ANK3: variants seen among roughly 807,000 people sequenced by gnomAD.
ANK3 encodes ankyrin 3.
In ANK3, 57 loss-of-function variants were observed where a neutral mutation model predicts 370.9. That is an observed-to-expected ratio of 0.15 (90% CI 0.12 to 0.19). ANK3 has a LOEUF of 0.19. Among genes scored for constraint, ANK3 ranks in the 10% least tolerant of loss-of-function variants. The pLI, the probability that ANK3 is intolerant of heterozygous loss-of-function variation, is 1.00. For missense variants in ANK3, 4,439 were observed against 5,302.1 expected, an observed-to-expected ratio of 0.84 and a Z score of 5.06; for synonymous variants, 1,929 against 1,946.3, an observed-to-expected ratio of 0.99 and a Z score of 0.23.
chr10:60,184,973 C>T (rs2096286668), intron 17 of ANK3, among the ~76,000 whole-genome samples: 1 of 152,140 alleles, frequency 6.6e-6, no homozygotes, highest in South Asian at 2.1e-4. Context: ...GTCATAAAGA[C>T]AAATTGAGTT....
chr10:60,654,657 C>T (rs1461771568), intron 1 of ANK3, among the ~76,000 whole-genome samples: 1 of 152,042 alleles, frequency 6.6e-6, no homozygotes, highest in Non-Finnish European at 1.5e-5. Context: ...GACATGTTAT[C>T]CTTTAAAAAA....
At chr10:60,111,255 A>G (rs191027825) in intron 26 of ANK3, among the ~76,000 whole-genome samples, 1 of 152,320 alleles carries the variant, frequency 6.6e-6, no homozygotes, top group African/African-American at 2.4e-5. Flanking sequence ...ACATGATATT[A>G]ACAACAAACT....
chr10:60,143,578 G>A (rs920753017), intron 23 of ANK3, among the ~76,000 whole-genome samples: 2 of 152,160 alleles, frequency 1.3e-5, no homozygotes, highest in South Asian at 4.1e-4. Context: ...GTTATTTGGT[G>A]CAGTGAAATA....
At chr10:60,119,297 C>T (rs2093319771) in intron 25 of ANK3, among the ~76,000 whole-genome samples, 2 of 152,208 alleles carry the variant, frequency 1.3e-5, no homozygotes, top group African/African-American at 4.8e-5. Context: ...TATTTCATTT[C>T]CATGCTACCT....
intron 2 of ANK3, among the ~76,000 whole-genome samples, chr10:60,594,358 A>G (rs2077958417): frequency 6.6e-6 from 1 of 152,202 alleles, no homozygotes; most frequent in South Asian, 2.1e-4. Context: ...ACAGTTATTA[A>G]TACAGTGTAT....
intron 7 of ANK3, among the ~76,000 whole-genome samples, chr10:60,237,065 C>G (rs762314967): frequency 6.6e-6 from 1 of 152,234 alleles, no homozygotes; most frequent in East Asian, 1.9e-4. Context: ...GCACAGCTTT[C>G]GACTGTGTAT....
In ANK3 at chr10:60,070,884, T is replaced by C; in HGVS notation, c.9997A>G (p.Thr3333Ala). Reference protein sequence around the residue: ...IYQPVPVKKYTFKLKEVDDEQ... With the variant: ...IYQPVPVKKYAFKLKEVDDEQ... ...TCGTCCACTTCCTTTAATTTGAAGG[T>C]ATATTTTTTAACTGGGACTGGCTGA... The change falls in exon 37 of 44, where the codon ACC (threonine) becomes GCC (alanine). Residue 3333 changes from threonine to alanine, a missense_variant. Physicochemically the swap from Thr to Ala is moderately conservative, Grantham distance 58. Transcript: ENST00000280772. This position sits in a 1 kb window ranked among gnomAD's most constrained non-coding sequence, Gnocchi z 5.7. 6.2e-7 allele frequency: 1 copy of C among 1,614,072 alleles called. No homozygotes were observed. The highest frequency in any genetic ancestry group is 2.2e-5 in the East Asian group (1 of 44,882).
rs150778469 is a variant in ANK3 at position 60,628,370 on chromosome 10, A to T, written c.58-13146T>A. 1.8e-4 allele frequency among the ~76,000 whole-genome samples: 27 copies of T among 152,312 alleles called. No homozygotes were observed. The East Asian group carries it at 4.6e-3, about 26-fold the overall frequency. On this transcript the variant is annotated intron_variant, in intron 1 of 43. Coordinates refer to the ANK3 transcript ENST00000373827. Reference sequence around the variant, plus strand: ...TCTGCTTTTGATTTCTATCAAACCCAACATACCTCCTCTATGCAAGCTGCA... The same window carrying T: ...TCTGCTTTTGATTTCTATCAAACCCTACATACCTCCTCTATGCAAGCTGCA...
chr10:60,126,611 C>G (rs975741855), intron 25 of ANK3, among the ~76,000 whole-genome samples: 1 of 151,704 alleles, frequency 6.6e-6, no homozygotes, highest in African/African-American at 2.4e-5. Flanking sequence ...CTGCTTGAAT[C>G]CGGGAGGTAG....
intron 1 of ANK3, among the ~76,000 whole-genome samples, chr10:60,356,962 G>A (rs1485955239): frequency 2.6e-5 from 4 of 152,146 alleles, no homozygotes; most frequent in Non-Finnish European, 4.4e-5. Flanking sequence ...ACCCGCCTTG[G>A]CCTCCTAAAA....
intron 1 of ANK3, among the ~76,000 whole-genome samples, chr10:60,341,787 A>G (rs1389339621): frequency 3.9e-5 from 6 of 152,208 alleles, no homozygotes. Context: ...AAAGAAACCT[A>G]ATTTTAGGTT....
intron 1 of ANK3, among the ~76,000 whole-genome samples, chr10:60,313,744 G>T (rs1045949060): frequency 2.0e-5 from 3 of 152,080 alleles, no homozygotes; most frequent in African/African-American, 7.2e-5. Flanking sequence ...AGTCCCAAAT[G>T]AAACACAAGA....
At chr10:60,137,430 GA>G (rs965168911) in intron 24 of ANK3, 8 of 235,098 alleles carry the variant, frequency 3.4e-5, no homozygotes, top group South Asian at 1.6e-4. Context: ...AGGGAAAAAA[GA>G]AAAAAAATGT....
At position 60,080,548 on chromosome 10, in the gene ANK3, T is replaced by C; in HGVS notation, c.4421A>G (p.Glu1474Gly). ...ALRKRYSYLTEPGMIERSTGA... is the reference protein window; with the variant it reads ...ALRKRYSYLTGPGMIERSTGA... ...GTTAGGAAACTCACTCATTCCAGGC[T>C]CAGTCAAGTAGCTGTAGCGCTTACG... Residue 1474 changes from glutamate (E) to glycine (G), a missense_variant, in exon 36 of 44, where the codon GAG (glutamate) becomes GGG (glycine). Glu to Gly is a moderately conservative substitution (Grantham distance 98, BLOSUM62 -2). Transcript: ENST00000280772. The C allele has an allele frequency of 6.2e-7, 1 of 1,612,728 alleles. No homozygotes were observed. Among genetic ancestry groups the C allele is most frequent in the Non-Finnish European group, 8.5e-7 (1 of 1,179,302 alleles).
chr10:60,333,464 G>C (rs2051926564), intron 1 of ANK3, among the ~76,000 whole-genome samples: 1 of 152,124 alleles, frequency 6.6e-6, no homozygotes. Context: ...CTATGTCCCT[G>C]CAAAGGACAT....
In ANK3 at chr10:60,029,247, AC is replaced by A. The variant is rs2072744052; in HGVS notation, c.*598del. ...CTCTTCTAGGGTGAAGTCACTTGAG[AC>A]CCCTATTTGTTAAATGCATTTGCAA... On this transcript the variant is annotated 3_prime_UTR_variant, in exon 44 of 44. Coordinates refer to ENST00000280772, the MANE Select transcript of ANK3 (RefSeq NM_020987.5). 1 of 152,222 alleles carries A rather than the reference AC, an allele frequency of 6.6e-6. No homozygotes were observed. Among genetic ancestry groups the A allele is most frequent in the Non-Finnish European group, 1.5e-5 (1 of 67,982 alleles). 9.4% of individuals were successfully genotyped at this position (152,222 alleles called of 1,614,324 possible). A position where few individuals can be genotyped will look rare whatever the true frequency, so the allele number is the denominator to read the frequency against.
At chr10:60,418,422 G>A (rs947547827) in intron 2 of ANK3, among the ~76,000 whole-genome samples, 1 of 151,994 alleles carries the variant, frequency 6.6e-6, no homozygotes, top group African/African-American at 2.4e-5. Flanking sequence ...GGCTGCCCAA[G>A]TACCCTTTGT....
chr10:60,474,020 C>A (rs1299336061), intron 2 of ANK3, among the ~76,000 whole-genome samples: 2 of 148,846 alleles, frequency 1.3e-5, no homozygotes, highest in Non-Finnish European at 3.0e-5. Flanking sequence ...GTAGTCACAG[C>A]TACTTGGGAG....
chr10:60,638,788 G>A (rs1361873523), intron 1 of ANK3, among the ~76,000 whole-genome samples: 1 of 151,854 alleles, frequency 6.6e-6, no homozygotes, highest in Non-Finnish European at 1.5e-5. Context: ...GACATCATAA[G>A]AACAAAAGAT....
Sources: allele counts gnomAD v4.1 joint callset (sites outside exome capture counted in the v4.1 genomes callset), GRCh38; gene constraint gnomAD v4.1.1; non-coding constraint Gnocchi (gnomAD v3.1); transcripts MANE v1.5; gene names NCBI Gene and HGNC (gene_info 2026-07-23, HGNC 2026-07-21).